ASH1L: variants seen among roughly 807,000 people sequenced by gnomAD.
ASH1L encodes ASH1 like histone lysine methyltransferase.
Under a neutral mutation model 269.0 loss-of-function variants are expected in ASH1L, and 23 were observed. The ratio of observed to expected loss-of-function variants is 0.09; its 90% CI spans 0.06 to 0.12. The LOEUF is 0.12. Ranked by LOEUF, ASH1L falls within the 10% of genes least tolerant of loss-of-function variation. The pLI is 1.00. For synonymous variants in ASH1L, 1,187 were observed against 1,253.5 expected (o/e 0.95, Z 1.12); for missense variants, 2,912 against 3,567.8 (o/e 0.82, Z 4.68).
intron 2 of ASH1L, among the ~76,000 whole-genome samples, chr1:155,510,132 T>C (rs2148816097): frequency 6.6e-6 from 1 of 152,042 alleles, no homozygotes; most frequent in Admixed American, 6.6e-5. Context: ...AAGAAAATTA[T>C]ATGCTGGGCG....
At chr1:155,409,292 AG>A (rs1193991806) in intron 6 of ASH1L, among the ~76,000 whole-genome samples, 2 of 152,168 alleles carry the variant, frequency 1.3e-5, no homozygotes, top group African/African-American at 2.4e-5. Context: ...CTCGGATTAC[AG>A]GGATGAGCAA....
At chr1:155,401,520 G>A (rs1658848975) in intron 6 of ASH1L, among the ~76,000 whole-genome samples, 1 of 150,166 alleles carries the variant, frequency 6.7e-6, no homozygotes, top group African/African-American at 2.4e-5. Flanking sequence ...GGTGGCTCAC[G>A]CCTGTAATCC....
At chr1:155,413,886 G>T (rs1571146396) in intron 6 of ASH1L, among the ~76,000 whole-genome samples, 1 of 152,104 alleles carries the variant, frequency 6.6e-6, no homozygotes, top group African/African-American at 2.4e-5. Context: ...TAAAGTCTTG[G>T]TTATTTGAGA....
chr1:155,431,383 G>A (rs1333578504), intron 5 of ASH1L, among the ~76,000 whole-genome samples: 3 of 152,024 alleles, frequency 2.0e-5, no homozygotes, highest in African/African-American at 7.2e-5. Context: ...TCAACCTCCT[G>A]AGTGCAAGTG....
chr1:155,344,494 A>G (rs60533773), intron 21 of ASH1L: 185 of 444,318 alleles, frequency 4.2e-4, no homozygotes, highest in African/African-American at 3.4e-3. Flanking sequence ...TTTATGAAGC[A>G]CTAATTGTGT....
At chr1:155,338,038 T>G in intron 27 of ASH1L, 51 bp downstream of exon 27, 1 of 1,554,694 alleles carries the variant, frequency 6.4e-7, no homozygotes, top group Non-Finnish European at 8.7e-7. Context: ...TTCCATTCCC[T>G]CTCATTTCGC....
chr1:155,384,820 T>C (rs1404716933), intron 7 of ASH1L, among the ~76,000 whole-genome samples: 1 of 152,188 alleles, frequency 6.6e-6, no homozygotes, highest in Non-Finnish European at 1.5e-5. Flanking sequence ...CCAAATTTGG[T>C]AAGTTTCCAG....
intron 3 of ASH1L, among the ~76,000 whole-genome samples, chr1:155,465,299 A>AC (rs1233929517): frequency 2.0e-5 from 3 of 151,466 alleles, no homozygotes; most frequent in Non-Finnish European, 4.4e-5. Flanking sequence ...CAAAAAAAAA[A>AC]AAAAAAAAAA....
At chr1:155,353,263 T>C (rs1242229110) in intron 16 of ASH1L, among the ~76,000 whole-genome samples, 2 of 152,216 alleles carry the variant, frequency 1.3e-5, no homozygotes, top group African/African-American at 2.4e-5. Flanking sequence ...GCAGGTTAAA[T>C]GAGATAATGC....
intron 4 of ASH1L, among the ~76,000 whole-genome samples, chr1:155,439,614 T>C (rs1313195921): frequency 6.6e-6 from 1 of 152,120 alleles, no homozygotes; most frequent in Non-Finnish European, 1.5e-5. Context: ...TTGGGAAGAC[T>C]GCTTGAGCCT....
At chr1:155,465,462 T>A (rs1664618986) in intron 3 of ASH1L, among the ~76,000 whole-genome samples, 1 of 152,174 alleles carries the variant, frequency 6.6e-6, no homozygotes, top group African/African-American at 2.4e-5. Flanking sequence ...AAATCATTTA[T>A]ATGAGTGGAA....
At chr1:155,514,935 A>G (rs1668398526) in intron 2 of ASH1L, among the ~76,000 whole-genome samples, 1 of 152,170 alleles carries the variant, frequency 6.6e-6, no homozygotes, top group East Asian at 1.9e-4. Context: ...TGTGTGACAA[A>G]AAGTGGATTT....
At position 155,503,490 on chromosome 1, in the gene ASH1L, C is replaced by T. The variant is rs575194184; in HGVS notation, c.420+17610G>A. Among the ~76,000 whole-genome samples, 36 of 152,202 alleles carry T rather than the reference C, an allele frequency of 2.4e-4. 1 individual carries two copies. The South Asian group carries it at 7.5e-3, about 32-fold the overall frequency. On this transcript the variant is annotated intron_variant, in intron 2 of 27. Transcript: ENST00000392403. ...TTAAAAAATAAACACTAGTTCAGTA[C>T]CTGTTTTGTTTCAAAAGTGAGTTCT...
chr1:155,347,730 C>T lies in ASH1L; in HGVS notation c.7729G>A (p.Asp2577Asn), dbSNP rs140353809. ...VSEKENGHEK[D>N]DDVIRCICGL... ...CAGATACAGCGAATAACATCGTCGT[C>T]CTTCTCATGCCCATTCTCCTTTTCA... The change falls in exon 20 of 28, where the codon GAC becomes AAC. Residue 2577 changes from aspartate (D) to asparagine (N), a missense_variant. By Grantham distance (23) the Asp-to-Asn change is conservative (BLOSUM62 1). Coordinates refer to ENST00000392403, the MANE Select transcript of ASH1L (RefSeq NM_018489.3). 12 of 1,614,120 alleles carry T rather than the reference C, an allele frequency of 7.4e-6. No homozygotes were observed. The African/African-American group carries it at 1.6e-4, about 22-fold the overall frequency.
chr1:155,544,979 C>A (rs767837929), intron 1 of ASH1L, among the ~76,000 whole-genome samples: 6 of 151,074 alleles, frequency 4.0e-5, no homozygotes, highest in Non-Finnish European at 8.9e-5. Context: ...TCGAGACCAG[C>A]CTAACCAACA....
intron 7 of ASH1L, among the ~76,000 whole-genome samples, chr1:155,393,504 A>G (rs1364465341): frequency 6.6e-6 from 1 of 152,124 alleles, no homozygotes; most frequent in Non-Finnish European, 1.5e-5. Flanking sequence ...AAACAAACTG[A>G]ATATATGAAG....
In ASH1L at chr1:155,541,235, T is replaced by A. The variant is rs182034541; in HGVS notation, c.-99-19617A>T. On this transcript the variant is annotated intron_variant, in intron 1 of 27. Transcript: ENST00000392403. ...ATTCAAAAAATATCTATTGAATGAG[T>A]AAACAAACATTAATTCTACATTTTA... Among the ~76,000 whole-genome samples, 28 of 152,222 alleles carry A rather than the reference T, an allele frequency of 1.8e-4. No individual in the cohort carries two copies. In the East Asian group the frequency reaches 5.0e-3, roughly 27 times the overall value.
At chr1:155,528,268 T>C (rs1669413391) in intron 1 of ASH1L, among the ~76,000 whole-genome samples, 1 of 152,178 alleles carries the variant, frequency 6.6e-6, no homozygotes, top group African/African-American at 2.4e-5. Context: ...GCCAAAAATC[T>C]CTACCCATCC....
rs1414677982 is a variant in ASH1L at position 155,459,787 on chromosome 1, T to C, written c.5086+10A>G. ...TATCTTGAAAATCTGGTAAAACAAATAGCACTAGCCTGTTGAAGAAGTACT... is the reference window on the plus strand; with the variant it reads ...TATCTTGAAAATCTGGTAAAACAAACAGCACTAGCCTGTTGAAGAAGTACT... On this transcript the variant is annotated intron_variant, in intron 4 of 27. Transcript: ENST00000392403. 4 of 1,601,194 alleles carry C rather than the reference T, an allele frequency of 2.5e-6. No individual in the cohort carries two copies. Among genetic ancestry groups the C allele is most frequent in the East Asian group, 2.2e-5 (1 of 44,720 alleles).
Sources: gnomAD v4.1 joint callset for allele counts (sites outside exome capture counted in the v4.1 genomes callset) on GRCh38, gnomAD v4.1.1 for gene constraint, MANE v1.5 for transcripts, NCBI Gene and HGNC (gene_info 2026-07-23, HGNC 2026-07-21) for gene names.